Variants in VAT1L observed in about 807,000 individuals in gnomAD.
VAT1L encodes the protein putative NADPH-dependent quinone oxidoreductase VAT1L.
VAT1L carries 34 observed loss-of-function variants against 44.1 expected under a neutral mutation model. The ratio of observed to expected loss-of-function variants is 0.77; its 90% CI spans 0.59 to 1.03. The LOEUF is 1.03. Ranked by LOEUF, VAT1L falls within the 50% of genes least tolerant of loss-of-function variation. The pLI is 0.00. For missense variants in VAT1L, 615 were observed against 538.8 expected (o/e 1.14, Z -1.40); for synonymous variants, 253 against 202.2 (o/e 1.25, Z -2.13).
At chr16:77,911,734 C>T (rs561357060) in intron 7 of VAT1L, among the ~76,000 whole-genome samples, 1 of 152,162 alleles carries the variant, frequency 6.6e-6, no homozygotes, top group African/African-American at 2.4e-5. Flanking sequence ...ACACAAGGCA[C>T]CCCAAGGGGA....
intron 7 of VAT1L, among the ~76,000 whole-genome samples, chr16:77,942,631 C>T (rs2017902597): frequency 6.6e-6 from 1 of 152,202 alleles, no homozygotes; most frequent in African/African-American, 2.4e-5. Context: ...CTGACTCTCC[C>T]AACATAGAAG....
At position 77,827,029 on chromosome 16, in the gene VAT1L, G is replaced by C. The variant is rs147002168; in HGVS notation, c.579+1568G>C. 3.4e-3 allele frequency among the ~76,000 whole-genome samples: 518 copies of C among 152,300 alleles called. 3 individuals carry two copies. Among genetic ancestry groups the C allele is most frequent in the African/African-American group, 0.012 (493 of 41,568 alleles). On this transcript the variant is annotated intron_variant, in intron 3 of 8. Coordinates refer to ENST00000302536, the MANE Select transcript of VAT1L (RefSeq NM_020927.3). ...CCGTTGTTTGTATCTAAGAAAACAA[G>C]CTCACATCCAGAACCATGAAGGCAA...
chr16:77,944,118 A>C (rs1175197872), intron 7 of VAT1L, among the ~76,000 whole-genome samples: 1 of 152,126 alleles, frequency 6.6e-6, no homozygotes, highest in Non-Finnish European at 1.5e-5. Flanking sequence ...GAAAAGTATG[A>C]CTGGGATCTA....
At chr16:77,834,504 T>C (rs1174908727) in intron 3 of VAT1L, among the ~76,000 whole-genome samples, 1 of 152,176 alleles carries the variant, frequency 6.6e-6, no homozygotes, top group Non-Finnish European at 1.5e-5. Flanking sequence ...TGAGATCCTC[T>C]ATGATCTCTC....
At chr16:77,810,635 A>C (rs2016248744) in intron 1 of VAT1L, among the ~76,000 whole-genome samples, 1 of 152,102 alleles carries the variant, frequency 6.6e-6, no homozygotes, top group Admixed American at 6.5e-5. Context: ...ACGCCTCTGC[A>C]CTCCAGCCTG....
At chr16:77,806,295 C>T (rs150633227) in intron 1 of VAT1L, among the ~76,000 whole-genome samples, 2,838 of 152,148 alleles carry the variant, frequency 0.019, 51 homozygotes, top group Middle Eastern at 0.092. Context: ...TTGCAAGCTC[C>T]GCCTCCCGGG....
At chr16:77,808,159 C>T (rs2016197425) in intron 1 of VAT1L, among the ~76,000 whole-genome samples, 1 of 152,096 alleles carries the variant, frequency 6.6e-6, no homozygotes, top group African/African-American at 2.4e-5. Flanking sequence ...CGCATTACCA[C>T]CTGCACTCTG....
chr16:77,883,526 C>G (rs1277000175), intron 6 of VAT1L, among the ~76,000 whole-genome samples: 1 of 152,142 alleles, frequency 6.6e-6, no homozygotes, highest in African/African-American at 2.4e-5. Context: ...GTGGATTATT[C>G]TTTGCTGTGA....
chr16:77,858,349 G>A (rs1045588515), intron 3 of VAT1L, among the ~76,000 whole-genome samples: 2 of 152,160 alleles, frequency 1.3e-5, no homozygotes, highest in African/African-American at 2.4e-5. Flanking sequence ...TGGGGAAACT[G>A]GCGTTGATGC....
intron 7 of VAT1L, among the ~76,000 whole-genome samples, chr16:77,946,732 C>T (rs376066125): frequency 3.9e-5 from 6 of 152,232 alleles, no homozygotes; most frequent in East Asian, 3.8e-4. Flanking sequence ...TTGCCACCTA[C>T]CTCCCCAACT....
At chr16:77,969,640 G>A (rs1278818556) in intron 7 of VAT1L, among the ~76,000 whole-genome samples, 3 of 152,042 alleles carry the variant, frequency 2.0e-5, no homozygotes, top group Admixed American at 6.5e-5. Context: ...CCTAATTTTG[G>A]AAGTGATGTA....
chr16:77,884,903 A>G lies in VAT1L; in HGVS notation c.1077+101A>G. 2.2e-6 allele frequency: 3 copies of G among 1,339,350 alleles called. No individual in the cohort carries two copies. Among genetic ancestry groups the G allele is most frequent in the Non-Finnish European group, 3.0e-6 (3 of 1,016,690 alleles). 83.0% of individuals were successfully genotyped at this position (1,339,350 alleles called of 1,614,324 possible). A position where few individuals can be genotyped will look rare whatever the true frequency, so the allele number is the denominator to read the frequency against. ...TTCTACTAAATGATTTTTTTCCCAG[A>G]TGGGTTTGTTTTAAATGAGGGTCCT... On this transcript the variant is annotated intron_variant, in intron 7 of 8. Coordinates refer to ENST00000302536, the MANE Select transcript of VAT1L (RefSeq NM_020927.3). The surrounding 1 kb of genome is among the most constrained non-coding windows in gnomAD (Gnocchi z 4.5).
intron 1 of VAT1L, chr16:77,801,779 C>T (rs1329140354): frequency 2.6e-5 from 4 of 151,254 alleles, no homozygotes; most frequent in Non-Finnish European, 4.4e-5. Flanking sequence ...TTTATCTACG[C>T]TACGCCTAGT....
At chr16:77,891,246 C>A (rs954010005) in intron 7 of VAT1L, among the ~76,000 whole-genome samples, 1 of 151,868 alleles carries the variant, frequency 6.6e-6, no homozygotes, top group Non-Finnish European at 1.5e-5. Context: ...CCCAGCTACT[C>A]GGGAGGCTGA....
At chr16:77,953,719 C>T (rs917771571) in intron 7 of VAT1L, among the ~76,000 whole-genome samples, 5 of 152,078 alleles carry the variant, frequency 3.3e-5, no homozygotes, top group African/African-American at 9.7e-5. Flanking sequence ...TGGTCTGGAA[C>T]TCCTGGACTC....
intron 3 of VAT1L, among the ~76,000 whole-genome samples, chr16:77,830,394 T>C (rs900944345): frequency 6.6e-6 from 1 of 152,184 alleles, no homozygotes; most frequent in Non-Finnish European, 1.5e-5. Context: ...AGCCTTTTAT[T>C]TGTCTATGGT....
Position 77,788,616 on chromosome 16 carries a change from C to G in VAT1L, c.-67C>G. 1 of 1,515,354 alleles carries G rather than the reference C, an allele frequency of 6.6e-7. No homozygotes were observed. Among genetic ancestry groups the G allele is most frequent in the Non-Finnish European group, 8.9e-7 (1 of 1,122,270 alleles). 93.9% of individuals were successfully genotyped at this position (1,515,354 alleles called of 1,614,324 possible). A position where few individuals can be genotyped will look rare whatever the true frequency, so the allele number is the denominator to read the frequency against. On this transcript the variant is annotated 5_prime_UTR_variant, in exon 1 of 9. Transcript: ENST00000302536. ...ACAGGAGGAACCCGCGGGAGAGGAG[C>G]CCCACTCCCCCAGCGCCGCAGCCAC...
Position 77,961,935 on chromosome 16 carries a change from T to C in VAT1L, c.1078-9915T>C, listed in dbSNP as rs192068554. ...ATTGTTGTCATCATTTTTGTCATTA[T>C]CATCATTGCATTGTGACAAATCCCT... On this transcript the variant is annotated intron_variant, in intron 7 of 8. Transcript: ENST00000302536. Among the ~76,000 whole-genome samples, 10 of 152,352 alleles carry C rather than the reference T, an allele frequency of 6.6e-5. No homozygotes were observed. The East Asian group carries it at 1.9e-3, about 29-fold the overall frequency.
intron 6 of VAT1L, among the ~76,000 whole-genome samples, chr16:77,882,670 C>T (rs556266659): frequency 6.6e-6 from 1 of 152,348 alleles, no homozygotes; most frequent in East Asian, 1.9e-4. Flanking sequence ...TTCTTAACCA[C>T]AACTGTACAT....
Sources: gnomAD v4.1 joint callset for allele counts (sites outside exome capture counted in the v4.1 genomes callset) on GRCh38, gnomAD v4.1.1 for gene constraint, Gnocchi (gnomAD v3.1) non-coding constraint, MANE v1.5 for transcripts, NCBI Gene and HGNC (gene_info 2026-07-23, HGNC 2026-07-21) for gene names.